The following MMS19 variants were observed in gnomAD, a reference collection of about 807,000 sequenced individuals.
MMS19 encodes MMS19 nucleotide excision repair protein homolog.
In MMS19, 77 loss-of-function variants were observed where a neutral mutation model predicts 129.8. That is an observed-to-expected ratio of 0.59 (90% CI 0.49 to 0.72). MMS19 has a LOEUF of 0.72. Among genes scored for constraint, MMS19 ranks in the 30% least tolerant of loss-of-function variants. The pLI is 0.00. For synonymous variants in MMS19, 491 were observed against 502.8 expected, an observed-to-expected ratio of 0.98 and a Z score of 0.31; for missense variants, 1,168 against 1,266.3, an observed-to-expected ratio of 0.92 and a Z score of 1.18.
At chr10:97,483,268 G>A (rs1016177939) in intron 2 of MMS19, among the ~76,000 whole-genome samples, 2 of 152,080 alleles carry the variant, frequency 1.3e-5, no homozygotes, top group Non-Finnish European at 2.9e-5. Flanking sequence ...TGCCCAGGCT[G>A]GTCTTAAACT....
intron 20 of MMS19, 59 bp from the exon 21 acceptor site, chr10:97,462,178 C>T (rs2032162864): frequency 3.2e-6 from 4 of 1,236,492 alleles, no homozygotes; most frequent in Non-Finnish European, 4.6e-6. Flanking sequence ...GCCCTCTCCT[C>T]CACAGACGTG....
At chr10:97,494,618 A>G (rs2039479759) in intron 1 of MMS19, among the ~76,000 whole-genome samples, 1 of 152,248 alleles carries the variant, frequency 6.6e-6, no homozygotes, top group African/African-American at 2.4e-5. Context: ...ACACAATACA[A>G]TAAAGACTGA....
Position 97,498,292 on chromosome 10 carries a change from G to A in MMS19, c.93C>T (p.Pro31=). 1.3e-6 allele frequency: 2 copies of A among 1,569,668 alleles called. No individual in the cohort carries two copies. The highest frequency in any genetic ancestry group is 1.7e-6 in the Non-Finnish European group (2 of 1,164,896). ...CCGTACCTGCAGCCACCTGGTCAGCGGGGCCCTCTTGCTGACCCACGACGA... is the reference window on the plus strand; with the variant it reads ...CCGTACCTGCAGCCACCTGGTCAGCAGGGCCCTCTTGCTGACCCACGACGA... The part of the protein sequence containing the change: ...HDFVVGQQEG[P]ADQVAADVKS... Residue 31 remains proline, a synonymous_variant, in exon 1 of 31, where the codon CCC becomes CCT. Coordinates refer to ENST00000438925, the MANE Select transcript of MMS19 (RefSeq NM_022362.5).
intron 8 of MMS19, among the ~76,000 whole-genome samples, chr10:97,475,158 G>A (rs2035501799): frequency 6.6e-6 from 1 of 152,150 alleles, no homozygotes. Flanking sequence ...ATATACTGAC[G>A]TGGAACACTC....
Position 97,462,686 on chromosome 10 carries a change from C to T in MMS19, c.1913-4G>A, listed in dbSNP as rs2032326822. 6.2e-7 allele frequency: 1 copy of T among 1,604,178 alleles called. No individual in the cohort carries two copies. The highest frequency in any genetic ancestry group is 1.1e-5 in the South Asian group (1 of 90,864). Reference sequence around the variant, plus strand: ...CTCAGAACTGAGGGCTCCTTCTCTGCAAAACACACACACATGCACACAATC... The same window carrying T: ...CTCAGAACTGAGGGCTCCTTCTCTGTAAAACACACACACATGCACACAATC... On this transcript the variant is annotated splice_polypyrimidine_tract_variant and splice_region_variant and intron_variant, in intron 19 of 30. Coordinates refer to ENST00000438925, the MANE Select transcript of MMS19 (RefSeq NM_022362.5).
chr10:97,458,892 C>T lies in MMS19; in HGVS notation c.2973G>A (p.Pro991=), dbSNP rs909698936. 10 of 1,613,826 alleles carry T rather than the reference C, an allele frequency of 6.2e-6. No individual in the cohort carries two copies. The highest frequency in any genetic ancestry group is 4.4e-5 in the South Asian group (4 of 91,082). Residue 991 remains proline, a synonymous_variant, in exon 30 of 31, where the codon CCG becomes CCA. Coordinates refer to ENST00000438925, the MANE Select transcript of MMS19 (RefSeq NM_022362.5). The stretch of plus-strand genomic sequence containing the variant: ...AGGCCCGAATCACCTGTGGTTTGTA[C>T]GGCAGCAGCTGTGGAGTCAGAGGAT... The part of the protein sequence containing the change: ...LTRLPTPVLL[P]YKPQVIRALA...
intron 2 of MMS19, among the ~76,000 whole-genome samples, chr10:97,481,869 C>T (rs1317807043): frequency 6.6e-6 from 1 of 152,168 alleles, no homozygotes; most frequent in Non-Finnish European, 1.5e-5. Context: ...AAGGTTTCTA[C>T]TCAGGAAGTA....
At chr10:97,490,658 A>G (rs146722540) in intron 1 of MMS19, among the ~76,000 whole-genome samples, 1 of 152,216 alleles carries the variant, frequency 6.6e-6, no homozygotes. Flanking sequence ...AAGAAATCCT[A>G]AACTTCCAGT....
intron 4 of MMS19, 109 bp downstream of exon 4, chr10:97,478,195 T>C (rs2036124418): frequency 1.2e-6 from 1 of 853,460 alleles, no homozygotes; most frequent in East Asian, 2.7e-5. Flanking sequence ...AGTCCCACAC[T>C]TGGGCACCTG....
At position 97,468,257 on chromosome 10, in the gene MMS19, T is replaced by C. The variant is rs752837623; in HGVS notation, c.1213A>G (p.Ser405Gly). The change falls in exon 13 of 31, where the codon AGT (serine) becomes GGT (glycine). Residue 405 changes from serine (S) to glycine (G), a missense_variant. Ser to Gly is a moderately conservative substitution (Grantham distance 56). Around this residue, in one of 3 missense-constraint regions of MMS19, gnomAD observed 831 missense variants for 910.8 expected, o/e 0.91. Transcript: ENST00000438925. ...PLLLEQFHKH[S>G]QSSQRRTILE... ...CAAAGATTCTGCTCCCTTACCTGACTGTGCTTGTGGAACTGTTCCAGCAGT... is the reference window on the plus strand; with the variant it reads ...CAAAGATTCTGCTCCCTTACCTGACCGTGCTTGTGGAACTGTTCCAGCAGT... 3 of 1,573,744 alleles carry C rather than the reference T, an allele frequency of 1.9e-6. No individual in the cohort carries two copies. In the East Asian group the frequency reaches 7.0e-5, roughly 37 times the overall value.
In MMS19 at chr10:97,458,551, T is replaced by G. The variant is rs934232159; in HGVS notation, c.*141A>C. The stretch of plus-strand genomic sequence containing the variant: ...GACTCTTATGTTCTTTGTACAGCCA[T>G]GCAACAGAGGCCTAGCATTTGTGCT... On this transcript the variant is annotated 3_prime_UTR_variant, in exon 31 of 31. Transcript: ENST00000438925. The G allele has an allele frequency of 1.7e-5, 13 of 758,312 alleles. No individual in the cohort carries two copies. The African/African-American group carries it at 2.3e-4, about 13-fold the overall frequency. The allele number at this position is 758,312 out of a possible 1,614,324, so 47.0% of individuals were successfully genotyped here. A position where few individuals can be genotyped will look rare whatever the true frequency, so the allele number is the denominator to read the frequency against.
chr10:97,461,778 G>T, intron 22 of MMS19, 50 bp downstream of exon 22: 1 of 1,573,960 alleles, frequency 6.4e-7, no homozygotes, highest in South Asian at 1.2e-5. Context: ...TCAGCCCGGA[G>T]TCACCTTGTC....
chr10:97,468,955 G>A lies in MMS19; in HGVS notation c.1063+11C>T, dbSNP rs370843628. 57 of 1,581,902 alleles carry A rather than the reference G, an allele frequency of 3.6e-5. No individual in the cohort carries two copies. The African/African-American group carries it at 5.2e-4, about 15-fold the overall frequency. ...GCTCACTCCCCTTCCTGGCTGCCAC[G>A]GCCCCATTACCCTGTAGAATGTTGC... On this transcript the variant is annotated intron_variant, in intron 12 of 30. Coordinates refer to ENST00000438925, the MANE Select transcript of MMS19 (RefSeq NM_022362.5).
intron 1 of MMS19, among the ~76,000 whole-genome samples, chr10:97,495,722 A>G (rs1450816778): frequency 6.6e-6 from 1 of 152,238 alleles, no homozygotes; most frequent in African/African-American, 2.4e-5. Flanking sequence ...GTTATACACA[A>G]TCCAACCCTA....
In MMS19 at chr10:97,459,921, T is replaced by C. The variant is rs148376957; in HGVS notation, c.2656+125A>G. ...GAAGTGGGACAAGAATCTAGAAGTT[T>C]AGTCTTCTAGGCACAGACCACAATA... On this transcript the variant is annotated intron_variant, in intron 26 of 30. Coordinates refer to ENST00000438925, the MANE Select transcript of MMS19 (RefSeq NM_022362.5). The C allele has an allele frequency of 1.8e-4, 197 of 1,111,118 alleles. 1 individual carries two copies. The East Asian group carries it at 4.8e-3, about 27-fold the overall frequency. 68.8% of individuals were successfully genotyped at this position (1,111,118 alleles called of 1,614,324 possible).
At chr10:97,488,682 A>G (rs1408007746) in intron 1 of MMS19, among the ~76,000 whole-genome samples, 5 of 152,232 alleles carry the variant, frequency 3.3e-5, no homozygotes, top group Non-Finnish European at 7.3e-5. Flanking sequence ...ACAGGAAAAA[A>G]GTCTATACAT....
intron 8 of MMS19, among the ~76,000 whole-genome samples, chr10:97,473,842 G>T (rs1379928788): frequency 6.6e-6 from 1 of 151,950 alleles, no homozygotes; most frequent in Non-Finnish European, 1.5e-5. Context: ...CTACTGTCTG[G>T]CCTTTTATAG....
intron 19 of MMS19, 97 bp from the exon 20 acceptor site, chr10:97,462,779 ACT>A: frequency 1.1e-6 from 1 of 904,194 alleles, no homozygotes; most frequent in Non-Finnish European, 1.8e-6. Flanking sequence ...CTGGGGCTTG[ACT>A]CTAGCCACGA....
At chr10:97,459,913 T>C in intron 26 of MMS19, 133 bp downstream of exon 26, 1 of 1,072,416 alleles carries the variant, frequency 9.3e-7, no homozygotes, top group South Asian at 1.6e-5. Context: ...GACAAGAATC[T>C]AGAAGTTTAG....
Sources: allele counts gnomAD v4.1 joint callset (sites outside exome capture counted in the v4.1 genomes callset), GRCh38; gene constraint gnomAD v4.1.1; regional missense constraint gnomAD v4.1.1; transcripts MANE v1.5; gene names NCBI Gene and HGNC (gene_info 2026-07-23, HGNC 2026-07-21).